Variants in SSH2 observed in about 807,000 individuals in gnomAD.
SSH2 encodes slingshot protein phosphatase 2, also known as protein phosphatase Slingshot homolog 2.
A neutral mutation model predicts 135.2 loss-of-function variants in SSH2; 37 were observed. That is an observed-to-expected ratio of 0.27 (90% CI 0.21 to 0.36). The LOEUF (loss-of-function observed/expected upper bound fraction) is 0.36, where lower values mean the gene tolerates loss of function less well. Ranked by LOEUF, SSH2 falls within the 10% of genes least tolerant of loss-of-function variation. SSH2 has a pLI of 1.00. For missense variants in SSH2, 1,408 were observed against 1,765.3 expected (o/e 0.80, Z 3.63); for synonymous variants, 628 against 646.2 (o/e 0.97, Z 0.43).
intron 12 of SSH2, 78 bp downstream of exon 12, chr17:29,655,483 A>G: frequency 7.7e-7 from 1 of 1,303,358 alleles, no homozygotes; most frequent in Non-Finnish European, 1.1e-6. Flanking sequence ...ACCCACTGAT[A>G]CCTCTTTGAT....
At chr17:29,667,352 A>T (rs1480826514) in intron 9 of SSH2, 129 bp from the exon 10 acceptor site, 1 of 715,326 alleles carries the variant, frequency 1.4e-6, no homozygotes. Flanking sequence ...TCGGTTCTAG[A>T]GATCAACAAC....
chr17:29,798,269 C>CT (rs1181453757), intron 2 of SSH2, among the ~76,000 whole-genome samples: 1 of 151,934 alleles, frequency 6.6e-6, no homozygotes, highest in Non-Finnish European at 1.5e-5. Flanking sequence ...AGCGATTCTC[C>CT]TGCCTCAGCC....
At chr17:29,717,900 G>T (rs1242089476) in intron 3 of SSH2, among the ~76,000 whole-genome samples, 1 of 152,154 alleles carries the variant, frequency 6.6e-6, no homozygotes, top group Non-Finnish European at 1.5e-5. Flanking sequence ...AGATATAAAA[G>T]GCCCTGAGGC....
At chr17:29,653,740 T>C (rs2036674226) in intron 12 of SSH2, among the ~76,000 whole-genome samples, 1 of 152,042 alleles carries the variant, frequency 6.6e-6, no homozygotes, top group Admixed American at 6.6e-5. Context: ...GTGCCTGCCA[T>C]CACACCTAGC....
chr17:29,795,479 T>A (rs2042140974), intron 2 of SSH2, among the ~76,000 whole-genome samples: 1 of 152,178 alleles, frequency 6.6e-6, no homozygotes, highest in Non-Finnish European at 1.5e-5. Flanking sequence ...GAGAGAGGTT[T>A]TAGGTTAGAA....
intron 1 of SSH2, among the ~76,000 whole-genome samples, chr17:29,890,780 AGCTGTTCGCTCTGTCACCAGGCTGGAGC>A (rs1195137145): frequency 2.0e-4 from 30 of 152,266 alleles, no homozygotes; most frequent in African/African-American, 5.5e-4. Flanking sequence ...ATTTCACTAA[AGCTGTTCGCTCTGTCACCAGGCTGGAGC>A]GCTGTGGTGC....
chr17:29,637,543 A>G (rs2035960335), intron 14 of SSH2, among the ~76,000 whole-genome samples: 1 of 152,144 alleles, frequency 6.6e-6, no homozygotes, highest in Non-Finnish European at 1.5e-5. Context: ...ACTTCATGGG[A>G]GGCCGAGGCG....
intron 2 of SSH2, among the ~76,000 whole-genome samples, chr17:29,845,508 A>G (rs2043117063): frequency 6.6e-6 from 1 of 152,244 alleles, no homozygotes; most frequent in South Asian, 2.1e-4. Flanking sequence ...TGAGGAAAAG[A>G]CGACAACAAA....
rs2036458063 is a variant in SSH2, at chr17:29,648,268, T to C, written c.1303A>G (p.Met435Val). The change falls in exon 14 of 16, where the codon ATG becomes GTG. Residue 435 changes from methionine (M) to valine (V), a missense_variant. Physicochemically the swap from Met to Val is conservative, Grantham distance 21 (BLOSUM62 1). Coordinates refer to ENST00000540801, the MANE Select transcript of SSH2 (RefSeq NM_001282129.2). ...TCCAGATTCCAGCCATATTCCTTCA[T>C]TGCATAGGCAATCACGGTGGAGGCT... ...RSASTVIAYAMKEYGWNLDRA... is the reference protein window; with the variant it reads ...RSASTVIAYAVKEYGWNLDRA... The C allele has an allele frequency of 1.2e-6, 2 of 1,614,214 alleles. No homozygotes were observed. Among genetic ancestry groups the C allele is most frequent in the Non-Finnish European group, 8.5e-7 (1 of 1,180,046 alleles).
At chr17:29,655,634 G>T in intron 11 of SSH2, 27 bp from the exon 12 acceptor site, 1 of 1,608,242 alleles carries the variant, frequency 6.2e-7, no homozygotes, top group Non-Finnish European at 8.5e-7. Flanking sequence ...ACAAGGTTAA[G>T]GAGTATTAGC....
At chr17:29,805,804 C>T (rs2042335015) in intron 2 of SSH2, among the ~76,000 whole-genome samples, 1 of 151,612 alleles carries the variant, frequency 6.6e-6, no homozygotes, top group African/African-American at 2.4e-5. Context: ...CCTCTGCCTA[C>T]TCAAGGTACC....
At chr17:29,668,850 T>C (rs528673341) in intron 9 of SSH2, among the ~76,000 whole-genome samples, 76 of 152,274 alleles carry the variant, frequency 5.0e-4, no homozygotes, top group Non-Finnish European at 9.0e-4. Context: ...GGCAGAGTGG[T>C]TGGGGAGTAG....
At chr17:29,906,699 GC>G (rs2066659526) in intron 1 of SSH2, among the ~76,000 whole-genome samples, 1 of 152,070 alleles carries the variant, frequency 6.6e-6, no homozygotes, top group Non-Finnish European at 1.5e-5. Context: ...TAAAAAGTGG[GC>G]AAAGGACATA....
chr17:29,843,891 A>C (rs534148187), intron 2 of SSH2, among the ~76,000 whole-genome samples: 2 of 152,186 alleles, frequency 1.3e-5, no homozygotes, highest in Non-Finnish European at 2.9e-5. Flanking sequence ...TCCATGTTAA[A>C]AATCCCATAG....
At chr17:29,780,100 C>G (rs2041806928) in intron 3 of SSH2, among the ~76,000 whole-genome samples, 1 of 151,740 alleles carries the variant, frequency 6.6e-6, no homozygotes, top group African/African-American at 2.4e-5. Context: ...GTCTGTAATC[C>G]CAGCTATTTG....
chr17:29,770,546 C>T (rs2041560013), intron 3 of SSH2, among the ~76,000 whole-genome samples: 1 of 150,978 alleles, frequency 6.6e-6, no homozygotes. Context: ...GATCTTTGCT[C>T]ACTGCAACCT....
At position 29,914,574 on chromosome 17, in the gene SSH2, AC is replaced by A. The variant is rs1341094157; in HGVS notation, c.63+15363del. Among the ~76,000 whole-genome samples, 1,094 of 148,604 alleles carry A rather than the reference AC, an allele frequency of 7.4e-3. 15 individuals carry two copies. The highest frequency in any genetic ancestry group is 0.026 in the African/African-American group (1,011 of 38,906). On this transcript the variant is annotated intron_variant, in intron 1 of 15. Coordinates refer to ENST00000540801, the MANE Select transcript of SSH2 (RefSeq NM_001282129.2). ...ACCCTGTCTGAAAAAAAAAAAAAAA[AC>A]AAACAAAAAACCCCAAAGAGTATTT...
intron 1 of SSH2, among the ~76,000 whole-genome samples, chr17:29,926,749 T>G (rs1344959212): frequency 6.6e-6 from 1 of 152,170 alleles, no homozygotes; most frequent in African/African-American, 2.4e-5. Context: ...ACTGGTCTAT[T>G]TAATTCCTTC....
At chr17:29,857,322 A>T (rs930342239) in intron 1 of SSH2, among the ~76,000 whole-genome samples, 6 of 151,966 alleles carry the variant, frequency 3.9e-5, no homozygotes, top group African/African-American at 1.2e-4. Flanking sequence ...TGTGTGGGGA[A>T]CTCCTTTCTT....
Sources: allele counts gnomAD v4.1 joint callset (sites outside exome capture counted in the v4.1 genomes callset), GRCh38; gene constraint gnomAD v4.1.1; transcripts MANE v1.5; gene names NCBI Gene and HGNC (gene_info 2026-07-23, HGNC 2026-07-21).